OPHN1: variants seen among roughly 807,000 people sequenced by gnomAD.
OPHN1 encodes oligophrenin-1.
OPHN1 carries 11 observed loss-of-function variants against 60.7 expected under a neutral mutation model. That is an observed-to-expected ratio of 0.18 (90% CI 0.11 to 0.30). The LOEUF (loss-of-function observed/expected upper bound fraction) is 0.30. OPHN1 is among the 10% of genes least tolerant of loss of function. The pLI, the probability that OPHN1 is intolerant of heterozygous loss-of-function variation, is 1.00. For synonymous variants in OPHN1, 226 were observed against 222.6 expected (o/e 1.02, Z -0.14); for missense variants, 449 against 611.0 (o/e 0.73, Z 2.80).
chrX:68,400,461 G>T (rs1391187472), intron 2 of OPHN1, among the ~76,000 whole-genome samples: 1 of 111,120 alleles, frequency 9.0e-6, no homozygotes, highest in East Asian at 2.8e-4. Context: ...AAGAAAACAG[G>T]TTTAATTGGC....
intron 15 of OPHN1, among the ~76,000 whole-genome samples, chrX:68,176,550 A>T (rs1856539970): frequency 8.9e-6 from 1 of 111,769 alleles, no homozygotes; most frequent in African/African-American, 3.3e-5. Flanking sequence ...GTTGGTGAGG[A>T]TGTGGAAAAA....
intron 2 of OPHN1, among the ~76,000 whole-genome samples, chrX:68,331,165 TTATA>T (rs758052064): frequency 2.8e-5 from 3 of 106,050 alleles, no homozygotes; most frequent in Non-Finnish European, 5.8e-5. Context: ...CTTGTATAAT[TTATA>T]TATGATTATA....
At chrX:68,277,709 T>G (rs2077998990) in intron 4 of OPHN1, among the ~76,000 whole-genome samples, 1 of 111,565 alleles carries the variant, frequency 9.0e-6, no homozygotes, top group African/African-American at 3.3e-5. Context: ...GAGAATCACT[T>G]GAACCCAGGA....
At chrX:68,161,968 T>C (rs1183693746) in intron 15 of OPHN1, among the ~76,000 whole-genome samples, 1 of 111,020 alleles carries the variant, frequency 9.0e-6, no homozygotes, top group Non-Finnish European at 1.9e-5. Flanking sequence ...AAAAAGAAAG[T>C]AGTGGGAATA....
At chrX:68,317,381 AAGGAAGGAAGGAAGGAAGG>A (rs2078207842) in intron 2 of OPHN1, among the ~76,000 whole-genome samples, 1 of 77,073 alleles carries the variant, frequency 1.3e-5, no homozygotes, top group Non-Finnish European at 2.5e-5. Flanking sequence ...GAAAGAAAGG[AAGGAAGGAAGGAAGGAAGG>A]AAGGAAGGAA....
intron 21 of OPHN1, among the ~76,000 whole-genome samples, chrX:68,062,547 C>A (rs1462900520): frequency 8.9e-6 from 1 of 112,347 alleles, no homozygotes; most frequent in Non-Finnish European, 1.9e-5. Context: ...AGGCCATAGT[C>A]TGCCAAGCCC....
At chrX:68,417,825 A>C (rs184060727) in intron 2 of OPHN1, among the ~76,000 whole-genome samples, 2 of 112,504 alleles carry the variant, frequency 1.8e-5, no homozygotes, top group Non-Finnish European at 3.8e-5. Context: ...ACTGCTACTA[A>C]AAAAGGAAAC....
rs999822938 is a variant in OPHN1, at chrX:68,271,726, C to T, written c.384+3012G>A. 5.4e-5 allele frequency among the ~76,000 whole-genome samples: 6 copies of T among 111,178 alleles called. No individual in the cohort carries two copies. In the South Asian group the frequency reaches 1.1e-3, roughly 21 times the overall value. ...AAAACTGAGTTGCAGGTGAGCTCAA[C>T]GGGGCCAGCCTTGTTTGGTGAGAAC... On this transcript the variant is annotated intron_variant, in intron 5 of 24. Coordinates refer to ENST00000355520, the MANE Select transcript of OPHN1 (RefSeq NM_002547.3).
intron 19 of OPHN1, among the ~76,000 whole-genome samples, chrX:68,090,860 C>T (rs779010374): frequency 5.4e-5 from 6 of 111,448 alleles, no homozygotes; most frequent in East Asian, 2.8e-4. Flanking sequence ...TGACATACAC[C>T]GATAATAGAT....
At chrX:68,401,010 T>C (rs995970655) in intron 2 of OPHN1, among the ~76,000 whole-genome samples, 3 of 111,330 alleles carry the variant, frequency 2.7e-5, no homozygotes, top group Non-Finnish European at 5.6e-5. Flanking sequence ...AAATCAGCTC[T>C]CACAAGAGCT....
chrX:68,378,992 A>G (rs1331002944), intron 2 of OPHN1, among the ~76,000 whole-genome samples: 7 of 110,181 alleles, frequency 6.4e-5, no homozygotes, highest in Non-Finnish European at 1.1e-4. Context: ...AGCTTGATGG[A>G]GATGGCATTG....
chrX:68,356,788 G>A (rs777604357), intron 2 of OPHN1, among the ~76,000 whole-genome samples: 1 of 111,102 alleles, frequency 9.0e-6, no homozygotes, highest in East Asian at 2.8e-4. Flanking sequence ...AATACACTGA[G>A]GTCTGACCTC....
At chrX:68,166,081 G>A (rs1433549676) in intron 15 of OPHN1, among the ~76,000 whole-genome samples, 1 of 111,904 alleles carries the variant, frequency 8.9e-6, no homozygotes, top group East Asian at 2.8e-4. Flanking sequence ...TACATGAAGG[G>A]GTTAGAAGAT....
At chrX:68,377,429 T>C (rs6625304) in intron 2 of OPHN1, among the ~76,000 whole-genome samples, 1 of 105,842 alleles carries the variant, frequency 9.4e-6, no homozygotes, top group Admixed American at 1.0e-4. Flanking sequence ...TTTTTTATTT[T>C]TTATTATTAT....
chrX:68,217,179 G>T (rs1336200094), intron 6 of OPHN1, among the ~76,000 whole-genome samples: 2 of 111,922 alleles, frequency 1.8e-5, no homozygotes, highest in Admixed American at 9.4e-5. Context: ...ATGGCACCTG[G>T]AAAATCGGGT....
chrX:68,071,516 A>G (rs2076934536), intron 20 of OPHN1: 2 of 664,286 alleles, frequency 3.0e-6, no homozygotes, highest in African/African-American at 4.3e-5. Flanking sequence ...AGAGATTTGA[A>G]TTCTACAGCA....
intron 6 of OPHN1, among the ~76,000 whole-genome samples, chrX:68,214,763 G>A (rs1019720028): frequency 3.6e-5 from 4 of 111,796 alleles, no homozygotes; most frequent in African/African-American, 6.5e-5. Context: ...TTGGGAGGCC[G>A]AGGTGGGTAG....
chrX:68,433,153 T>C lies in OPHN1; in HGVS notation c.-5+15A>G, dbSNP rs1161369533. ...AAGGAAGCTCATAGCCTCCGTCCCTTTGGAGGACAGGTACCTGTTTCAGTG... is the reference window on the plus strand; with the variant it reads ...AAGGAAGCTCATAGCCTCCGTCCCTCTGGAGGACAGGTACCTGTTTCAGTG... On this transcript the variant is annotated intron_variant, in intron 1 of 24. Transcript: ENST00000355520. 1.5e-6 allele frequency: 1 copy of C among 653,824 alleles called. No homozygotes were observed. Among genetic ancestry groups the C allele is most frequent in the African/African-American group, 2.2e-5 (1 of 44,714 alleles). The allele number at this position is 653,824 out of a possible 1,213,427, so 53.9% of individuals were successfully genotyped here.
intron 21 of OPHN1, among the ~76,000 whole-genome samples, chrX:68,062,664 T>C (rs1012582775): frequency 1.8e-5 from 2 of 112,162 alleles, no homozygotes; most frequent in Non-Finnish European, 3.8e-5. Flanking sequence ...AATAAATATT[T>C]GTCAAATAAA....
Sources: allele counts gnomAD v4.1 joint callset (sites outside exome capture counted in the v4.1 genomes callset), GRCh38; gene constraint gnomAD v4.1.1; transcripts MANE v1.5; gene names NCBI Gene and HGNC (gene_info 2026-07-23, HGNC 2026-07-21).